The following NCKAP5 variants were observed in gnomAD, a reference collection of about 807,000 sequenced individuals.
The protein encoded by NCKAP5 is nck-associated protein 5.
In NCKAP5, 92 loss-of-function variants were observed where a neutral mutation model predicts 167.0. That is an observed-to-expected ratio of 0.55 (90% CI 0.47 to 0.66). NCKAP5 has a LOEUF of 0.66. Among genes scored for constraint, NCKAP5 ranks in the 30% least tolerant of loss-of-function variants. NCKAP5 has a pLI of 0.00. For synonymous variants in NCKAP5, 891 were observed against 877.4 expected (o/e 1.02, Z -0.27); for missense variants, 2,378 against 2,315.0 (o/e 1.03, Z -0.56).
chr2:132,794,261 TATAGAG>T (rs1164560647), intron 12 of NCKAP5, among the ~76,000 whole-genome samples: 54 of 23,488 alleles, frequency 2.3e-3, no homozygotes, highest in East Asian at 4.2e-3. Context: ...TATATATATA[TATAGAG>T]AGAGAGAGAG....
At chr2:133,498,231 A>G (rs1199988454) in intron 3 of NCKAP5, among the ~76,000 whole-genome samples, 1 of 152,160 alleles carries the variant, frequency 6.6e-6, no homozygotes, top group Non-Finnish European at 1.5e-5. Flanking sequence ...CCAGAGCTTC[A>G]TCATTCAGAA....
intron 6 of NCKAP5, among the ~76,000 whole-genome samples, chr2:133,097,735 A>T (rs1319140445): frequency 6.6e-6 from 1 of 152,202 alleles, no homozygotes; most frequent in Non-Finnish European, 1.5e-5. Flanking sequence ...CTGATCCCAC[A>T]GAGACTGCAA....
At chr2:133,241,179 T>C (rs2087688063) in intron 4 of NCKAP5, among the ~76,000 whole-genome samples, 1 of 152,222 alleles carries the variant, frequency 6.6e-6, no homozygotes, top group Non-Finnish European at 1.5e-5. Context: ...TATAAACAAC[T>C]ATTGATATTT....
chr2:133,533,959 A>C (rs1214011781), intron 2 of NCKAP5, among the ~76,000 whole-genome samples: 1 of 152,114 alleles, frequency 6.6e-6, no homozygotes, highest in Non-Finnish European at 1.5e-5. Flanking sequence ...TTTGTCTCCT[A>C]CACACACACA....
chr2:132,801,735 C>T (rs1279809739), intron 11 of NCKAP5, among the ~76,000 whole-genome samples: 1 of 152,190 alleles, frequency 6.6e-6, no homozygotes, highest in Non-Finnish European at 1.5e-5. Flanking sequence ...GTTCACTTGC[C>T]TTCATTCAGT....
chr2:133,547,356 C>G (rs927594103), intron 2 of NCKAP5, among the ~76,000 whole-genome samples: 2 of 152,212 alleles, frequency 1.3e-5, no homozygotes, highest in African/African-American at 2.4e-5. Context: ...CCAGGAAGCT[C>G]GAACTGGGTG....
At chr2:133,278,169 C>A (rs1212970069) in intron 4 of NCKAP5, among the ~76,000 whole-genome samples, 1 of 152,118 alleles carries the variant, frequency 6.6e-6, no homozygotes, top group Admixed American at 6.5e-5. Context: ...TATGGTATAT[C>A]AGCTTTCTAT....
At chr2:132,992,481 T>C (rs921240169) in intron 7 of NCKAP5, among the ~76,000 whole-genome samples, 2 of 152,200 alleles carry the variant, frequency 1.3e-5, no homozygotes, top group African/African-American at 4.8e-5. Flanking sequence ...CTAAGAATGA[T>C]GCCTGATTAT....
chr2:132,888,066 C>G (rs1262402282), intron 8 of NCKAP5, among the ~76,000 whole-genome samples: 1 of 152,206 alleles, frequency 6.6e-6, no homozygotes, highest in Non-Finnish European at 1.5e-5. Flanking sequence ...CAGTTAGACT[C>G]TAAGCCCTTT....
intron 3 of NCKAP5, among the ~76,000 whole-genome samples, chr2:133,320,738 A>G (rs1485560709): frequency 2.0e-5 from 3 of 149,076 alleles, no homozygotes; most frequent in Admixed American, 6.6e-5. Context: ...ACAAACAAAC[A>G]AAAAAAAAGA....
At chr2:133,309,088 A>G (rs575640419) in intron 3 of NCKAP5, among the ~76,000 whole-genome samples, 5 of 151,324 alleles carry the variant, frequency 3.3e-5, no homozygotes, top group Non-Finnish European at 7.4e-5. Context: ...AAAGAAGGAT[A>G]AAAAAACTGC....
At chr2:133,624,222 A>G in the NCKAP5 span, among the ~76,000 whole-genome samples, 4 of 152,064 alleles carry the variant, frequency 2.6e-5, no homozygotes, top group African/African-American at 7.2e-5. Flanking sequence ...CTTAAAAATC[A>G]CCCCTAAAGA....
the NCKAP5 span, among the ~76,000 whole-genome samples, chr2:133,671,429 T>C: frequency 4.6e-5 from 7 of 152,064 alleles, no homozygotes; most frequent in African/African-American, 1.7e-4. Flanking sequence ...GTGATGAAGG[T>C]TCTGCCCTCA....
At chr2:133,524,623 C>G (rs940959668) in intron 2 of NCKAP5, among the ~76,000 whole-genome samples, 1 of 152,180 alleles carries the variant, frequency 6.6e-6, no homozygotes, top group Non-Finnish European at 1.5e-5. Context: ...CTCCTTTCTT[C>G]CCACTGCTCT....
At chr2:132,769,955 GCTC>G (rs1275502750) in intron 16 of NCKAP5, among the ~76,000 whole-genome samples, 2 of 152,146 alleles carry the variant, frequency 1.3e-5, no homozygotes, top group African/African-American at 2.4e-5. Context: ...GCCAATATTG[GCTC>G]CTCTATTTGG....
intron 19 of NCKAP5, among the ~76,000 whole-genome samples, chr2:132,697,935 T>A (rs1445183828): frequency 6.6e-6 from 1 of 152,218 alleles, no homozygotes; most frequent in African/African-American, 2.4e-5. Flanking sequence ...GCCTGCTTGT[T>A]AAAATGTGGA....
intron 5 of NCKAP5, among the ~76,000 whole-genome samples, chr2:133,148,333 A>G (rs1043392441): frequency 5.9e-5 from 9 of 152,092 alleles, no homozygotes; most frequent in African/African-American, 2.2e-4. Flanking sequence ...TGAAGCAGAC[A>G]CTCTAAAATT....
chr2:133,495,266 T>C (rs1681840676), intron 3 of NCKAP5, among the ~76,000 whole-genome samples: 2 of 152,204 alleles, frequency 1.3e-5, no homozygotes, highest in African/African-American at 4.8e-5. Context: ...CTCCTGGGAC[T>C]ATGTCACAGT....
intron 5 of NCKAP5, among the ~76,000 whole-genome samples, chr2:133,143,243 T>G (rs1289881247): frequency 6.6e-6 from 1 of 152,150 alleles, no homozygotes; most frequent in Non-Finnish European, 1.5e-5. Flanking sequence ...CCTGCCATCT[T>G]AGTACCACTG....
Sources: allele counts gnomAD v4.1 joint callset (sites outside exome capture counted in the v4.1 genomes callset), GRCh38; gene constraint gnomAD v4.1.1; transcripts MANE v1.5; gene names NCBI Gene and HGNC (gene_info 2026-07-23, HGNC 2026-07-21).